Variants in APOO observed in about 807,000 individuals in gnomAD.
APOO encodes MICOS complex subunit MIC26.
APOO carries 11 observed loss-of-function variants against 23.1 expected under a neutral mutation model. That is an observed-to-expected ratio of 0.48 (90% CI 0.30 to 0.79). The LOEUF (loss-of-function observed/expected upper bound fraction) is 0.79, where lower values mean the gene tolerates loss of function less well. Ranked by LOEUF, APOO falls within the 30% of genes least tolerant of loss-of-function variation. APOO has a pLI of 0.07. For missense variants in APOO, 160 were observed against 142.7 expected, an observed-to-expected ratio of 1.12 and a Z score of -0.62; for synonymous variants, 59 against 54.8, an observed-to-expected ratio of 1.08 and a Z score of -0.34.
In APOO at chrX:23,856,038, T is replaced by A. The variant is rs141418758; in HGVS notation, c.561+264A>T. 9.7e-3 allele frequency among the ~76,000 whole-genome samples: 1,090 copies of A among 111,945 alleles called. 16 individuals are homozygous for A. The highest frequency in any genetic ancestry group is 0.033 in the African/African-American group (1,022 of 30,880). Reference sequence around the variant, plus strand: ...CACTTAGAGGAAACTAGGAATACAATATAATGGAAAATATGGTCTAAGACT... The same window carrying A: ...CACTTAGAGGAAACTAGGAATACAAAATAATGGAAAATATGGTCTAAGACT... On this transcript the variant is annotated intron_variant, in intron 7 of 8. Coordinates refer to ENST00000379226, the MANE Select transcript of APOO (RefSeq NM_024122.5).
intron 1 of APOO, among the ~76,000 whole-genome samples, chrX:23,898,672 C>T (rs1172612042): frequency 8.9e-6 from 1 of 112,078 alleles, no homozygotes; most frequent in Non-Finnish European, 1.9e-5. Flanking sequence ...TTTAACAGGA[C>T]TCCCAAATGG....
At chrX:23,892,566 G>A (rs1428878576) in intron 1 of APOO, among the ~76,000 whole-genome samples, 2 of 109,379 alleles carry the variant, frequency 1.8e-5, no homozygotes, top group South Asian at 3.9e-4. Context: ...TCAGGAAATC[G>A]AGACCATCCT....
At chrX:23,881,799 T>G (rs1348385141) in intron 1 of APOO, among the ~76,000 whole-genome samples, 2 of 96,204 alleles carry the variant, frequency 2.1e-5, no homozygotes, top group African/African-American at 7.7e-5. Flanking sequence ...AAAAAAAAAA[T>G]TAGCTGGGCG....
At chrX:23,835,981 T>C (rs1270892173) in intron 8 of APOO, among the ~76,000 whole-genome samples, 1 of 112,627 alleles carries the variant, frequency 8.9e-6, no homozygotes, top group African/African-American at 3.2e-5. Context: ...CGGAAACTAT[T>C]ACAGTTCTAA....
intron 5 of APOO, 116 bp from the exon 6 acceptor site, chrX:23,858,849 C>T: frequency 1.5e-6 from 1 of 667,981 alleles, no homozygotes; most frequent in East Asian, 3.8e-5. Context: ...GCCTATAATC[C>T]AAAAGCTCTG....
intron 3 of APOO, among the ~76,000 whole-genome samples, chrX:23,876,755 C>T (rs1442116115): frequency 9.0e-6 from 1 of 111,645 alleles, no homozygotes; most frequent in East Asian, 2.8e-4. Flanking sequence ...GCTGAGACTG[C>T]ACCACTGCAC....
intron 3 of APOO, among the ~76,000 whole-genome samples, chrX:23,876,211 C>A (rs1009038890): frequency 9.1e-6 from 1 of 109,843 alleles, no homozygotes; most frequent in South Asian, 3.9e-4. Flanking sequence ...TGCGGTGAGC[C>A]GAGATCGCGC....
At chrX:23,834,438 A>G (rs1228441717) in intron 8 of APOO, among the ~76,000 whole-genome samples, 2 of 109,053 alleles carry the variant, frequency 1.8e-5, no homozygotes, top group African/African-American at 6.7e-5. Context: ...CATCAACATT[A>G]CATATACACT....
intron 1 of APOO, among the ~76,000 whole-genome samples, chrX:23,886,684 T>C (rs1388914672): frequency 2.7e-5 from 3 of 111,082 alleles, no homozygotes; most frequent in African/African-American, 9.8e-5. Context: ...TTCATCTTCC[T>C]TTTTAGCTTC....
intron 4 of APOO, among the ~76,000 whole-genome samples, chrX:23,869,065 C>T (rs1022027739): frequency 9.1e-6 from 1 of 109,479 alleles, no homozygotes. Context: ...CCCGCCACCA[C>T]GCCCAGCTAA....
At chrX:23,883,814 C>T (rs1317270208) in intron 1 of APOO, 1 of 112,079 alleles carries the variant, frequency 8.9e-6, no homozygotes, top group Non-Finnish European at 1.9e-5. Flanking sequence ...ACCTGCCCAT[C>T]TGCCTGCTTT....
At position 23,880,860 on chromosome X, in the gene APOO, G is replaced by A. The variant is rs145178205; in HGVS notation, c.102C>T (p.Ser34=). The A allele has an allele frequency of 4.2e-6, 5 of 1,180,658 alleles. No individual in the cohort carries two copies. In the Admixed American group the frequency reaches 9.7e-5, roughly 23 times the overall value. ...APKKDSPPKN[S]VKVDELSLYS... ...AACATGTTACCTCATCAACCTTCAC[G>A]GAATTTTTGGGAGGTGAGTCCTTTT... Residue 34 remains serine, a synonymous_variant, in exon 2 of 9, where the codon TCC becomes TCT. Transcript: ENST00000379226.
Position 23,858,817 on chromosome X carries a change from A to G in APOO, c.389-84T>C, listed in dbSNP as rs570155324. ...TTACCTTATCCATTTAATACGGAACAAGGCCAGGCACAGTGGCTCACGCCT... is the reference window on the plus strand; with the variant it reads ...TTACCTTATCCATTTAATACGGAACGAGGCCAGGCACAGTGGCTCACGCCT... On this transcript the variant is annotated intron_variant, in intron 5 of 8. Coordinates refer to ENST00000379226, the MANE Select transcript of APOO (RefSeq NM_024122.5). The G allele has an allele frequency of 7.9e-6, 7 of 889,902 alleles. No individual in the cohort carries two copies. In the African/African-American group the frequency reaches 9.9e-5, roughly 13 times the overall value. 73.3% of individuals were successfully genotyped at this position (889,902 alleles called of 1,213,427 possible).
chrX:23,892,601 T>C (rs1926711208), intron 1 of APOO, among the ~76,000 whole-genome samples: 1 of 108,318 alleles, frequency 9.2e-6, no homozygotes, highest in South Asian at 4.0e-4. Flanking sequence ...ACCCCATCTC[T>C]ACTAAAAATA....
chrX:23,849,920 T>C (rs1924455407), intron 7 of APOO, among the ~76,000 whole-genome samples: 1 of 110,121 alleles, frequency 9.1e-6, no homozygotes, highest in African/African-American at 3.3e-5. Flanking sequence ...CAAAAGTTGT[T>C]TAAGGCAAGT....
intron 8 of APOO, among the ~76,000 whole-genome samples, chrX:23,835,870 T>C (rs990764253): frequency 1.8e-5 from 2 of 112,242 alleles, no homozygotes; most frequent in African/African-American, 6.5e-5. Flanking sequence ...TGAGAAATTC[T>C]TTTTTTCCCC....
At chrX:23,894,380 G>A (rs1174497884) in intron 1 of APOO, among the ~76,000 whole-genome samples, 1 of 110,613 alleles carries the variant, frequency 9.0e-6, no homozygotes, top group Non-Finnish European at 1.9e-5. Context: ...CCTGACCTCA[G>A]GCCTCCCAAA....
At chrX:23,866,625 C>G in intron 5 of APOO, among the ~76,000 whole-genome samples, 1 of 110,804 alleles carries the variant, frequency 9.0e-6, no homozygotes. Context: ...TCCGTCTCTA[C>G]TAAAAATACA....
chrX:23,837,769 C>T (rs1375354426), intron 8 of APOO, among the ~76,000 whole-genome samples: 2 of 108,573 alleles, frequency 1.8e-5, no homozygotes, highest in Non-Finnish European at 3.8e-5. Flanking sequence ...AGGAGATCCT[C>T]CCACCTCAGC....
Sources: allele counts gnomAD v4.1 joint callset (sites outside exome capture counted in the v4.1 genomes callset), GRCh38; gene constraint gnomAD v4.1.1; transcripts MANE v1.5; gene names NCBI Gene and HGNC (gene_info 2026-07-23, HGNC 2026-07-21).